Variants in FOXD4 observed in about 807,000 individuals in gnomAD.
FOXD4 encodes the protein forkhead box D4.
In FOXD4, 22 loss-of-function variants were observed where a neutral mutation model predicts 26.5. That is an observed-to-expected ratio of 0.83 (90% confidence interval 0.59 to 1.18). The LOEUF (loss-of-function observed/expected upper bound fraction) is 1.18. FOXD4 is among the 50% of genes most tolerant of loss of function. FOXD4 has a pLI of 0.00. For missense variants in FOXD4, 625 were observed against 605.8 expected (o/e 1.03, Z -0.33); for synonymous variants, 258 against 273.7 (o/e 0.94, Z 0.57).
Position 117,962 on chromosome 9 carries a change from G to C in FOXD4, c.158C>G (p.Pro53Arg). ...GCCCCACCGGGCCACCTGCAGCCCC[G>C]GCTGGAGCGACTGCTCTAGGAACTG... is the stretch of plus-strand genomic sequence containing the variant. Reference protein sequence around the residue: ...SQQFLEQSLQPGLQVARWGGV... With the variant: ...SQQFLEQSLQRGLQVARWGGV... Residue 53 changes from proline to arginine, a missense_variant, in exon 1 of 1, where the codon CCG (proline) becomes CGG (arginine). Transcript: ENST00000382500. The C allele has an allele frequency of 1.2e-6, 2 of 1,611,946 alleles. No individual in the cohort carries two copies. Among genetic ancestry groups the C allele is most frequent in the Non-Finnish European group, 1.7e-6 (2 of 1,179,790 alleles).
rs576626079 is a variant in FOXD4, at chr9:116,539, G to A, written c.*261C>T. ...TGCCAGAACAAAATACCCCACTCAC[G>A]TTCATAGTACCCCAGGACATGTGCA... On this transcript the variant is annotated 3_prime_UTR_variant, in exon 1 of 1. Transcript: ENST00000382500. 39 of 636,972 alleles carry A rather than the reference G, an allele frequency of 6.1e-5. No homozygotes were observed. The South Asian group carries it at 6.5e-4, about 11-fold the overall frequency. 39.5% of individuals were successfully genotyped at this position (636,972 alleles called of 1,614,324 possible). A position where few individuals can be genotyped will look rare whatever the true frequency, so the allele number is the denominator to read the frequency against.
At position 118,069 on chromosome 9, in the gene FOXD4, G is replaced by C. The variant is rs757939391; in HGVS notation, c.51C>G (p.Leu17=). 1 of 1,612,018 alleles carries C rather than the reference G, an allele frequency of 6.2e-7. No individual in the cohort carries two copies. The highest frequency in any genetic ancestry group is 8.5e-7 in the Non-Finnish European group (1 of 1,179,848). The part of the protein sequence containing the change: ...ERLRSTPQRS[L]RDSDGEDGKI... ...TACCGTCTTCCCCATCGGAGTCCCG[G>C]AGGCTGCGCTGCGGTGTGGAGCGAA... Residue 17 remains leucine, a synonymous_variant, in exon 1 of 1, where the codon CTC becomes CTG. Transcript: ENST00000382500.
At position 118,033 on chromosome 9, in the gene FOXD4, G is replaced by T. The variant is rs569254757; in HGVS notation, c.87C>A (p.Val29=). 2.1e-4 allele frequency: 346 copies of T among 1,611,996 alleles called. 6 individuals are homozygous for T. The South Asian group carries it at 3.6e-3, about 17-fold the overall frequency. ...DSDGEDGKID[V]LGEEEDEDEE... is the part of the protein sequence containing the mutation. ...CGTCTTCATCTTCCTCCTCTCCCAGGACATCGATTTTACCGTCTTCCCCAT... is the reference window on the plus strand; with the variant it reads ...CGTCTTCATCTTCCTCCTCTCCCAGTACATCGATTTTACCGTCTTCCCCAT... Residue 29 remains valine (V), a synonymous_variant, in exon 1 of 1, where the codon GTC becomes GTA. Transcript: ENST00000382500.
chr9:117,807 G>T lies in FOXD4; in HGVS notation c.313C>A (p.Pro105Thr). ...ASEDARQPAK[P>T]PSSYIALITM... ...ATGAGCGCGATGTACGAGGAGGGGG[G>T]CTTTGCCGGCTGCCGGGCATCTTCA... The change falls in exon 1 of 1, where the codon CCC becomes ACC. Residue 105 changes from proline (P) to threonine (T), a missense_variant. By Grantham distance (38) the Pro-to-Thr change is conservative. Transcript: ENST00000382500. The T allele has an allele frequency of 6.2e-7, 1 of 1,612,966 alleles. No individual in the cohort carries two copies. The highest frequency in any genetic ancestry group is 8.5e-7 in the Non-Finnish European group (1 of 1,179,998).
Position 117,648 on chromosome 9 carries a change from G to A in FOXD4, c.472C>T (p.Leu158=). The change falls in exon 1 of 1, where the codon CTG becomes TTG. Residue 158 remains leucine (L), a synonymous_variant. Transcript: ENST00000382500. ...WQNSIRHNLS[L]NDCFVKIPRE... is the part of the protein sequence containing the mutation. ...GGGATCTTGACGAAGCAGTCGTTCA[G>A]CGAGAGGTTGTGGCGGATGCTGTTC... The A allele has an allele frequency of 6.2e-7, 1 of 1,613,882 alleles. No homozygotes were observed. Among genetic ancestry groups the A allele is most frequent in the Non-Finnish European group, 8.5e-7 (1 of 1,180,026 alleles).
Position 116,248 on chromosome 9 carries a change from A to C in FOXD4, c.*552T>G. On this transcript the variant is annotated 3_prime_UTR_variant, in exon 1 of 1. Transcript: ENST00000382500. Reference sequence around the variant, plus strand: ...AAACGATGTAGTGTAGTGACTTAGCATTTTATTTCGTCTATATAACTAGGC... The same window carrying C: ...AAACGATGTAGTGTAGTGACTTAGCCTTTTATTTCGTCTATATAACTAGGC... The C allele has an allele frequency of 5.7e-6, 1 of 174,058 alleles. No homozygotes were observed. Among genetic ancestry groups the C allele is most frequent in the Non-Finnish European group, 1.4e-5 (1 of 71,900 alleles). 10.8% of individuals were successfully genotyped at this position (174,058 alleles called of 1,614,324 possible).
At position 118,295 on chromosome 9, in the gene FOXD4, C is replaced by T. The variant is rs562378136; in HGVS notation, c.-176G>A. 2.1e-6 allele frequency: 3 copies of T among 1,397,916 alleles called. No homozygotes were observed. Among genetic ancestry groups the T allele is most frequent in the East Asian group, 2.4e-5 (1 of 41,746 alleles). 86.6% of individuals were successfully genotyped at this position (1,397,916 alleles called of 1,614,324 possible). On this transcript the variant is annotated 5_prime_UTR_variant, in exon 1 of 1. Coordinates refer to ENST00000382500, the MANE Select transcript of FOXD4 (RefSeq NM_207305.5). ...TTGCAACAACGTCCGGCAAAGATGC[C>T]TTCGCCTTTTATAAAAGCTTCTTCA...
In FOXD4 at chr9:117,327, G is replaced by A. The variant is rs776688538; in HGVS notation, c.793C>T (p.Arg265Cys). Residue 265 changes from arginine to cysteine, a missense_variant, in exon 1 of 1, where the codon CGC (arginine) becomes TGC (cysteine). Physicochemically the swap from Arg to Cys is radical, Grantham distance 180 (BLOSUM62 -3). Coordinates refer to ENST00000382500, the MANE Select transcript of FOXD4 (RefSeq NM_207305.5). ...GCGGGGGCCGAGAGCAGTAGGTAGC[G>A]AGGAGGATGCGGGTGCAGCAGAGCG... ...PYALLHPHPPRYLLLSAPAYA... is the reference protein window; with the variant it reads ...PYALLHPHPPCYLLLSAPAYA... The A allele has an allele frequency of 1.9e-6, 3 of 1,598,506 alleles. No individual in the cohort carries two copies. The highest frequency in any genetic ancestry group is 2.5e-6 in the Non-Finnish European group (3 of 1,179,504).
Position 117,767 on chromosome 9 carries a change from A to G in FOXD4, c.353T>C (p.Leu118Pro). 1 of 1,613,258 alleles carries G rather than the reference A, an allele frequency of 6.2e-7. No homozygotes were observed. The highest frequency in any genetic ancestry group is 8.5e-7 in the Non-Finnish European group (1 of 1,179,992). The change falls in exon 1 of 1, where the codon CTG (leucine) becomes CCG (proline). Residue 118 changes from leucine (L) to proline (P), a missense_variant. Coordinates refer to ENST00000382500, the MANE Select transcript of FOXD4 (RefSeq NM_207305.5). ...SYIALITMAI[L>P]QSPHKRLTLS... Reference sequence around the variant, plus strand: ...CGTGAGGCGCTTGTGCGGGCTTTGCAGGATGGCCATGGTGATGAGCGCGAT... The same window carrying G: ...CGTGAGGCGCTTGTGCGGGCTTTGCGGGATGGCCATGGTGATGAGCGCGAT...
chr9:118,206 T>G lies in FOXD4; in HGVS notation c.-87A>C. ...TGAGCTGGAAGCCCGGGATGAATGTTGCAAGAAGCAGGAACGCTAGTGGTT... is the reference window on the plus strand; with the variant it reads ...TGAGCTGGAAGCCCGGGATGAATGTGGCAAGAAGCAGGAACGCTAGTGGTT... On this transcript the variant is annotated 5_prime_UTR_variant, in exon 1 of 1. Transcript: ENST00000382500. 3 of 1,610,328 alleles carry G rather than the reference T, an allele frequency of 1.9e-6. No individual in the cohort carries two copies. The highest frequency in any genetic ancestry group is 2.2e-5 in the South Asian group (2 of 90,932).
At position 116,913 on chromosome 9, in the gene FOXD4, C is replaced by G. The variant is rs1362516190; in HGVS notation, c.1207G>C (p.Glu403Gln). 2.5e-6 allele frequency: 4 copies of G among 1,611,016 alleles called. No homozygotes were observed. The highest frequency in any genetic ancestry group is 3.4e-6 in the Non-Finnish European group (4 of 1,179,314). The change falls in exon 1 of 1, where the codon GAG becomes CAG. Residue 403 changes from glutamate to glutamine, a missense_variant. Coordinates refer to ENST00000382500, the MANE Select transcript of FOXD4 (RefSeq NM_207305.5). ...SALLRYQAVA[E>Q]GSGLTSLAAP... ...GCCAGCGATGTCAGCCCAGAGCCCTCTGCCACCGCCTGATACCGCAGCAGC... is the reference window on the plus strand; with the variant it reads ...GCCAGCGATGTCAGCCCAGAGCCCTGTGCCACCGCCTGATACCGCAGCAGC...
Position 118,275 on chromosome 9 carries a change from A to G in FOXD4, c.-156T>C. On this transcript the variant is annotated 5_prime_UTR_variant, in exon 1 of 1. Transcript: ENST00000382500. ...CTCTGCTTGTTTCTACGCCTTTGCA[A>G]CAACGTCCGGCAAAGATGCCTTCGC... The G allele has an allele frequency of 6.6e-7, 1 of 1,511,334 alleles. No homozygotes were observed. The highest frequency in any genetic ancestry group is 9.0e-7 in the Non-Finnish European group (1 of 1,111,322). 93.6% of individuals were successfully genotyped at this position (1,511,334 alleles called of 1,614,324 possible).
rs767121963 is a variant in FOXD4, at chr9:116,923, C to G, written c.1197G>C (p.Gln399His). ...TCAGCCCAGAGCCCTCTGCCACCGCCTGATACCGCAGCAGCGCCGACGCGG... is the reference window on the plus strand; with the variant it reads ...TCAGCCCAGAGCCCTCTGCCACCGCGTGATACCGCAGCAGCGCCGACGCGG... The part of the protein sequence containing the change: ...LSAASALLRY[Q>H]AVAEGSGLTS... The change falls in exon 1 of 1, where the codon CAG becomes CAC. Residue 399 changes from glutamine to histidine, a missense_variant. Around this residue, in one of 3 missense-constraint regions of FOXD4, gnomAD observed 134 missense variants for 132.2 expected, o/e 1.01. Coordinates refer to ENST00000382500, the MANE Select transcript of FOXD4 (RefSeq NM_207305.5). 1.2e-6 allele frequency: 2 copies of G among 1,611,202 alleles called. No homozygotes were observed. Among genetic ancestry groups the G allele is most frequent in the East Asian group, 4.5e-5 (2 of 44,878 alleles).
In FOXD4 at chr9:116,752, G is replaced by C. The variant is rs747810366; in HGVS notation, c.*48C>G. 3.9e-6 allele frequency: 6 copies of C among 1,546,488 alleles called. No individual in the cohort carries two copies. The highest frequency in any genetic ancestry group is 4.4e-6 in the Non-Finnish European group (5 of 1,148,648). Reference sequence around the variant, plus strand: ...GATGCACACGCCCAGTATGGGCCGCGCAAGGTGGAGTGAGCAGCTGCGGGT... The same window carrying C: ...GATGCACACGCCCAGTATGGGCCGCCCAAGGTGGAGTGAGCAGCTGCGGGT... On this transcript the variant is annotated 3_prime_UTR_variant, in exon 1 of 1. Coordinates refer to ENST00000382500, the MANE Select transcript of FOXD4 (RefSeq NM_207305.5).
At position 117,419 on chromosome 9, in the gene FOXD4, C is replaced by T. The variant is rs777851340; in HGVS notation, c.701G>A (p.Gly234Glu). The change falls in exon 1 of 1, where the codon GGG (glycine) becomes GAG (glutamate). Residue 234 changes from glycine to glutamate, a missense_variant. Gly to Glu is a moderately conservative substitution (Grantham distance 98). Around this residue, in one of 3 missense-constraint regions of FOXD4, gnomAD observed 399 missense variants for 329.4 expected, o/e 1.21. Coordinates refer to ENST00000382500, the MANE Select transcript of FOXD4 (RefSeq NM_207305.5). ...LHNPRPGPLL[G>E]APAPPQPVPG... ...GACTGGCTGCGGCGGGGCAGGGGCC[C>T]CAAGCAGAGGGCCTGGGCGGGGGTT... 5 of 1,594,388 alleles carry T rather than the reference C, an allele frequency of 3.1e-6. No individual in the cohort carries two copies. The African/African-American group carries it at 6.7e-5, about 21-fold the overall frequency.
In FOXD4 at chr9:117,292, C is replaced by A. The variant is rs762339398; in HGVS notation, c.828G>T (p.Gly276=). The A allele has an allele frequency of 1.2e-6, 2 of 1,604,100 alleles. No homozygotes were observed. Among genetic ancestry groups the A allele is most frequent in the South Asian group, 2.2e-5 (2 of 90,990 alleles). ...YLLLSAPAYA[G]APKKAEGADL... The stretch of plus-strand genomic sequence containing the variant: ...CCGCGCCTTCTGCTTTCTTCGGTGC[C>A]CCGGCATAGGCGGGGGCCGAGAGCA... Residue 276 remains glycine (G), a synonymous_variant, in exon 1 of 1, where the codon GGG becomes GGT. Transcript: ENST00000382500.
rs1257413109 is a variant in FOXD4, at chr9:117,963, G to A, written c.157C>T (p.Pro53Ser). 8 of 1,611,856 alleles carry A rather than the reference G, an allele frequency of 5.0e-6. No homozygotes were observed. Among genetic ancestry groups the A allele is most frequent in the African/African-American group, 4.0e-5 (3 of 74,844 alleles). Reference protein sequence around the residue: ...SQQFLEQSLQPGLQVARWGGV... With the variant: ...SQQFLEQSLQSGLQVARWGGV... ...CCCCACCGGGCCACCTGCAGCCCCG[G>A]CTGGAGCGACTGCTCTAGGAACTGC... The change falls in exon 1 of 1, where the codon CCG becomes TCG. Residue 53 changes from proline (P) to serine (S), a missense_variant. Pro to Ser is a moderately conservative substitution (Grantham distance 74). This residue lies in a region of FOXD4 where 399 missense variants were observed against 329.4 expected (regional missense o/e 1.21). Transcript: ENST00000382500.
Position 117,272 on chromosome 9 carries a change from C to T in FOXD4, c.848G>A (p.Gly283Asp), listed in dbSNP as rs1270778419. 6.2e-7 allele frequency: 1 copy of T among 1,606,760 alleles called. No homozygotes were observed. The highest frequency in any genetic ancestry group is 8.5e-7 in the Non-Finnish European group (1 of 1,179,834). The part of the protein sequence containing the change: ...AYAGAPKKAE[G>D]ADLATPAPFP... ...GGGTGCCGGGGTCGCCAGGTCCGCG[C>T]CTTCTGCTTTCTTCGGTGCCCCGGC... Residue 283 changes from glycine (G) to aspartate (D), a missense_variant, in exon 1 of 1, where the codon GGC (glycine) becomes GAC (aspartate). This residue lies in a region of FOXD4 where 92 missense variants were observed against 144.2 expected (regional missense o/e 0.64). Transcript: ENST00000382500.
chr9:118,084 T>C lies in FOXD4; in HGVS notation c.36A>G (p.Thr12=), dbSNP rs1334675310. Residue 12 remains threonine (T), a synonymous_variant, in exon 1 of 1, where the codon ACA becomes ACG. Coordinates refer to ENST00000382500, the MANE Select transcript of FOXD4 (RefSeq NM_207305.5). ...NLPRAERLRS[T]PQRSLRDSDG... ...CGGAGTCCCGGAGGCTGCGCTGCGGTGTGGAGCGAAGGCGCTCAGCTCTTG... is the reference window on the plus strand; with the variant it reads ...CGGAGTCCCGGAGGCTGCGCTGCGGCGTGGAGCGAAGGCGCTCAGCTCTTG... The C allele has an allele frequency of 1.2e-6, 2 of 1,611,936 alleles. No individual in the cohort carries two copies. The highest frequency in any genetic ancestry group is 1.3e-5 in the African/African-American group (1 of 74,936).
Sources: gnomAD v4.1 joint callset for allele counts on GRCh38, gnomAD v4.1.1 for gene constraint, gnomAD v4.1.1 regional missense constraint, MANE v1.5 for transcripts, NCBI Gene and HGNC (gene_info 2026-07-23, HGNC 2026-07-21) for gene names.